The following FER variants were observed in gnomAD, a reference collection of about 807,000 sequenced individuals.
The protein encoded by FER is FER tyrosine kinase, also known as tyrosine-protein kinase Fer.
Under a neutral mutation model 111.0 loss-of-function variants are expected in FER, and 63 were observed. The ratio of observed to expected loss-of-function variants is 0.57; its 90% CI spans 0.46 to 0.70. The LOEUF (loss-of-function observed/expected upper bound fraction) is 0.70. Ranked by LOEUF, FER falls within the 30% of genes least tolerant of loss-of-function variation. FER has a pLI of 0.00. For synonymous variants in FER, 327 were observed against 313.9 expected (o/e 1.04, Z -0.44); for missense variants, 914 against 954.0 (o/e 0.96, Z 0.55).
intron 1 of FER, chr5:108,748,458 G>T (rs1222015684): frequency 2.0e-5 from 3 of 152,304 alleles, no homozygotes. Flanking sequence ...TATCATCGCC[G>T]GTCCGGCCAC....
At chr5:108,791,099 T>C (rs1447478411) in intron 2 of FER, among the ~76,000 whole-genome samples, 1 of 152,244 alleles carries the variant, frequency 6.6e-6, no homozygotes, top group Non-Finnish European at 1.5e-5. Flanking sequence ...ATAATGTTGC[T>C]TCAAACATTC....
chr5:108,867,713 A>T, intron 5 of FER, 54 bp from the exon 6 acceptor site: 10 of 1,514,634 alleles, frequency 6.6e-6, no homozygotes, highest in Non-Finnish European at 8.1e-6. Flanking sequence ...TAGTGAAGAT[A>T]CAATTTTTTT....
chr5:108,899,701 G>A (rs924551526), intron 10 of FER, among the ~76,000 whole-genome samples: 17 of 151,934 alleles, frequency 1.1e-4, no homozygotes, highest in African/African-American at 3.9e-4. Flanking sequence ...CTACTCAGGA[G>A]GCTGAGGTGG....
rs1483664057 is a variant in FER at position 108,946,165 on chromosome 5, T to C, written c.1272T>C (p.Ile424=). The C allele has an allele frequency of 6.2e-7, 1 of 1,612,408 alleles. No homozygotes were observed. Among genetic ancestry groups the C allele is most frequent in the Non-Finnish European group, 8.5e-7 (1 of 1,178,914 alleles). Residue 424 remains isoleucine (I), a synonymous_variant, in exon 11 of 20, where the codon ATT becomes ATC. Coordinates refer to ENST00000281092, the MANE Select transcript of FER (RefSeq NM_005246.4). ...AGAGGCTATCCAAATTTGAATCTAT[T>C]CGTCATTCAATTGCTGGAATAATTA... The part of the protein sequence containing the change: ...RKERLSKFES[I]RHSIAGIIRS...
chr5:109,147,824 GAGAC>G (rs1002528910), intron 17 of FER, among the ~76,000 whole-genome samples: 6 of 150,358 alleles, frequency 4.0e-5, no homozygotes, highest in South Asian at 2.1e-4. Flanking sequence ...GAGAGAGAGA[GAGAC>G]AGAGACAGAG....
At chr5:109,027,743 T>C (rs1034313537) in intron 13 of FER, among the ~76,000 whole-genome samples, 2 of 152,200 alleles carry the variant, frequency 1.3e-5, no homozygotes, top group Admixed American at 1.3e-4. Flanking sequence ...CTGGGCAGAC[T>C]GCTGGTTGTC....
At chr5:109,052,889 T>C (rs72790588) in intron 16 of FER, among the ~76,000 whole-genome samples, 5,373 of 152,274 alleles carry the variant, frequency 0.035, 137 homozygotes, top group Middle Eastern at 0.13. Context: ...TCAAATCTTA[T>C]TAGTGAACTT....
intron 5 of FER, among the ~76,000 whole-genome samples, chr5:108,844,121 CA>C (rs1761614724): frequency 6.9e-6 from 1 of 144,550 alleles, no homozygotes; most frequent in African/African-American, 2.6e-5. Flanking sequence ...TGTGTGAACA[CA>C]TATATGTGTG....
chr5:109,011,833 C>A (rs567414682), intron 13 of FER, among the ~76,000 whole-genome samples: 1 of 152,144 alleles, frequency 6.6e-6, no homozygotes, highest in Non-Finnish European at 1.5e-5. Flanking sequence ...CGAGCTGATA[C>A]AATTTTCTTT....
At chr5:108,751,748 C>T (rs373385785) in intron 1 of FER, among the ~76,000 whole-genome samples, 6 of 152,052 alleles carry the variant, frequency 3.9e-5, no homozygotes, top group South Asian at 2.1e-4. Flanking sequence ...GTCAGTATTT[C>T]GATAGGACTC....
At chr5:108,810,425 C>T (rs4537096) in intron 3 of FER, among the ~76,000 whole-genome samples, 36,654 of 152,128 alleles carry the variant, frequency 0.24, 4,730 homozygotes, top group African/African-American at 0.32. Context: ...TGTGTGGGGC[C>T]GGACTGGGCA....
At chr5:109,183,916 A>G (rs1399903172) in intron 18 of FER, among the ~76,000 whole-genome samples, 1 of 152,180 alleles carries the variant, frequency 6.6e-6, no homozygotes. Context: ...TCCTTCCTAG[A>G]TGAAAATACT....
Position 108,924,512 on chromosome 5 carries a change from T to C in FER, c.1237-21618T>C, listed in dbSNP as rs117493837. The C allele has an allele frequency of 6.4e-4, 597 of 927,294 alleles. 4 individuals carry two copies. In the East Asian group the frequency reaches 0.016, roughly 25 times the overall value. The allele number at this position is 927,294 out of a possible 1,614,324, so 57.4% of individuals were successfully genotyped here. A position where few individuals can be genotyped will look rare whatever the true frequency, so the allele number is the denominator to read the frequency against. ...TCCTTTAATCCAGAACTGACTAGTA[T>C]ACTTCCATGCCAACAGGGGGAGATA... On this transcript the variant is annotated intron_variant, in intron 10 of 19. Transcript: ENST00000281092.
At chr5:109,120,804 C>A (rs912463893) in intron 17 of FER, among the ~76,000 whole-genome samples, 1 of 151,930 alleles carries the variant, frequency 6.6e-6, no homozygotes, top group East Asian at 1.9e-4. Flanking sequence ...TTATAGACAT[C>A]TTTTGCTTAT....
At chr5:108,906,469 C>T (rs1391077582) in intron 10 of FER, among the ~76,000 whole-genome samples, 1 of 152,078 alleles carries the variant, frequency 6.6e-6, no homozygotes, top group Non-Finnish European at 1.5e-5. Flanking sequence ...AAAAAACTGT[C>T]ATGTAATTAA....
chr5:108,800,810 G>A (rs1327454061), intron 3 of FER, among the ~76,000 whole-genome samples: 3 of 152,208 alleles, frequency 2.0e-5, no homozygotes, highest in African/African-American at 4.8e-5. Context: ...ACTTTGGGAG[G>A]CCGAGATGGG....
At chr5:108,763,233 C>A (rs1056354748) in intron 1 of FER, among the ~76,000 whole-genome samples, 1 of 152,200 alleles carries the variant, frequency 6.6e-6, no homozygotes. Flanking sequence ...ACCCTGTTTG[C>A]AAACAAGCAA....
In FER at chr5:108,965,932, T is replaced by C. The variant is rs140325345; in HGVS notation, c.1656+6585T>C. Among the ~76,000 whole-genome samples, 122 of 152,316 alleles carry C rather than the reference T, an allele frequency of 8.0e-4. 1 individual carries two copies. Among genetic ancestry groups the C allele is most frequent in the Non-Finnish European group, 1.6e-3 (109 of 68,014 alleles). On this transcript the variant is annotated intron_variant, in intron 13 of 19. Coordinates refer to ENST00000281092, the MANE Select transcript of FER (RefSeq NM_005246.4). Reference sequence around the variant, plus strand: ...TTAAATTAAGATTGGACTTTAGGCTTGATCTACTTAATAATATAAAAGAAC... The same window carrying C: ...TTAAATTAAGATTGGACTTTAGGCTCGATCTACTTAATAATATAAAAGAAC...
intron 13 of FER, among the ~76,000 whole-genome samples, chr5:108,999,814 C>G (rs1209904630): frequency 6.7e-6 from 1 of 150,136 alleles, no homozygotes; most frequent in Non-Finnish European, 1.5e-5. Context: ...TGTGTATTAG[C>G]TCTTCTGTTT....
Sources: allele counts gnomAD v4.1 joint callset (sites outside exome capture counted in the v4.1 genomes callset), GRCh38; gene constraint gnomAD v4.1.1; transcripts MANE v1.5; gene names NCBI Gene and HGNC (gene_info 2026-07-23, HGNC 2026-07-21).